CSF1: variants seen among roughly 807,000 people sequenced by gnomAD.
The protein encoded by CSF1 is colony stimulating factor 1.
A neutral mutation model predicts 48.9 loss-of-function variants in CSF1; 9 were observed. The observed-to-expected ratio is 0.18, with a 90% CI of 0.11 to 0.32. CSF1 has a LOEUF of 0.32. Among genes scored for constraint, CSF1 ranks in the 10% least tolerant of loss-of-function variants. CSF1 has a pLI of 1.00. For missense variants in CSF1, 672 were observed against 697.9 expected, an observed-to-expected ratio of 0.96 and a Z score of 0.42; for synonymous variants, 305 against 284.1, an observed-to-expected ratio of 1.07 and a Z score of -0.74.
intron 8 of CSF1, among the ~76,000 whole-genome samples, chr1:109,925,552 C>T (rs1458876310): frequency 6.6e-6 from 1 of 152,178 alleles, no homozygotes; most frequent in Non-Finnish European, 1.5e-5. Context: ...TTCAGTAGCT[C>T]TGTGTGGCAG....
chr1:109,923,965 T>C lies in CSF1; in HGVS notation c.1344T>C (p.Asp448=), dbSNP rs778192639. The C allele has an allele frequency of 6.2e-7, 1 of 1,614,028 alleles. No homozygotes were observed. Among genetic ancestry groups the C allele is most frequent in the South Asian group, 1.1e-5 (1 of 91,074 alleles). Residue 448 remains aspartate, a synonymous_variant, in exon 6 of 9, where the codon GAT becomes GAC. Transcript: ENST00000329608. Reference sequence around the variant, plus strand: ...TGGAGGGCAGGAGGAGCACCAGGGATCGGAGGAGCCCCGCAGAGCCAGAAG... The same window carrying C: ...TGGAGGGCAGGAGGAGCACCAGGGACCGGAGGAGCCCCGCAGAGCCAGAAG... ...GELEGRRSTR[D]RRSPAEPEGG...
chr1:109,911,200 C>A, intron 1 of CSF1, 138 bp downstream of exon 1: 2 of 472,478 alleles, frequency 4.2e-6, no homozygotes, highest in Non-Finnish European at 5.6e-6. Flanking sequence ...CGCGGACGAA[C>A]CGCCTTTGCG....
chr1:109,924,187 G>A lies in CSF1; in HGVS notation c.1566G>A (p.Arg522=), dbSNP rs1647727242. ...GCCTCTTGTTCTACAGGTGGAGGCG[G>A]CGGGTGAGTAGATCCCCATGAGGAA... The part of the protein sequence containing the change: ...VGGLLFYRWR[R]RSHQEPQRAD... The change falls in exon 6 of 9, where the codon CGG becomes CGA. Residue 522 remains arginine (R), a synonymous_variant. Coordinates refer to ENST00000329608, the MANE Select transcript of CSF1 (RefSeq NM_000757.6). The A allele has an allele frequency of 6.2e-7, 1 of 1,604,834 alleles. No individual in the cohort carries two copies. The highest frequency in any genetic ancestry group is 1.1e-5 in the South Asian group (1 of 89,796).
chr1:109,925,634 C>T (rs1647814152), intron 8 of CSF1, among the ~76,000 whole-genome samples: 1 of 152,200 alleles, frequency 6.6e-6, no homozygotes, highest in African/African-American at 2.4e-5. Context: ...AGATCGCCAC[C>T]CCCGCACCAG....
At chr1:109,912,224 T>G (rs1654719629) in intron 1 of CSF1, among the ~76,000 whole-genome samples, 1 of 151,902 alleles carries the variant, frequency 6.6e-6, no homozygotes, top group South Asian at 2.1e-4. Context: ...GGGGCTGTGT[T>G]TAGACAGGGG....
In CSF1 at chr1:109,923,304, G is replaced by A. The variant is rs771856655; in HGVS notation, c.683G>A (p.Gly228Glu). 2.5e-6 allele frequency: 4 copies of A among 1,612,812 alleles called. No individual in the cohort carries two copies. Among genetic ancestry groups the A allele is most frequent in the South Asian group, 2.2e-5 (2 of 90,854 alleles). Reference protein sequence around the residue: ...VAGLTWEDSEGTEGSSLLPGE... With the variant: ...VAGLTWEDSEETEGSSLLPGE... The stretch of plus-strand genomic sequence containing the variant: ...GGCTTGACCTGGGAGGACTCTGAGG[G>A]AACTGAGGGCAGCTCCCTCTTGCCT... The change falls in exon 6 of 9, where the codon GGA becomes GAA. Residue 228 changes from glycine (G) to glutamate (E), a missense_variant. Coordinates refer to ENST00000329608, the MANE Select transcript of CSF1 (RefSeq NM_000757.6).
intron 8 of CSF1, among the ~76,000 whole-genome samples, chr1:109,927,339 T>G (rs1647885463): frequency 6.6e-6 from 1 of 152,198 alleles, no homozygotes; most frequent in African/African-American, 2.4e-5. Context: ...GAACCAGCAG[T>G]AACAACATAT....
At chr1:109,914,108 A>C in intron 1 of CSF1, 151 bp from the exon 2 acceptor site, 2 of 792,212 alleles carry the variant, frequency 2.5e-6, no homozygotes, top group Non-Finnish European at 3.6e-6. Flanking sequence ...AATCCTGGGA[A>C]AGCTGGATTT....
Position 109,930,985 on chromosome 1 carries a change from C to G in CSF1, c.*2147C>G, listed in dbSNP as rs906504450. The G allele has an allele frequency of 3.9e-5, 6 of 152,110 alleles. No homozygotes were observed. Among genetic ancestry groups the G allele is most frequent in the African/African-American group, 1.4e-4 (6 of 41,430 alleles). The allele number at this position is 152,110 out of a possible 1,614,324, so 9.4% of individuals were successfully genotyped here. ...TATATTTAATAATAAAAGAAGTGCACAAGCTGCCATGTGAGTCGTGGGAAA... is the reference window on the plus strand; with the variant it reads ...TATATTTAATAATAAAAGAAGTGCAGAAGCTGCCATGTGAGTCGTGGGAAA... On this transcript the variant is annotated 3_prime_UTR_variant, in exon 9 of 9. Coordinates refer to ENST00000329608, the MANE Select transcript of CSF1 (RefSeq NM_000757.6).
rs1021235280 is a variant in CSF1, at chr1:109,924,892, T to C, written c.1622+64T>C. 3 of 1,492,996 alleles carry C rather than the reference T, an allele frequency of 2.0e-6. No individual in the cohort carries two copies. The African/African-American group carries it at 4.2e-5, about 21-fold the overall frequency. 92.5% of individuals were successfully genotyped at this position (1,492,996 alleles called of 1,614,324 possible). A position where few individuals can be genotyped will look rare whatever the true frequency, so the allele number is the denominator to read the frequency against. On this transcript the variant is annotated intron_variant, in intron 7 of 8. Transcript: ENST00000329608. ...CCTGGCTTGGGATCTGTTTCCCCTC[T>C]TCGTGGTGGTGGGGCTCTCCTGCTT...
chr1:109,917,618 G>A (rs1176544623), intron 4 of CSF1, among the ~76,000 whole-genome samples, 155 bp downstream of exon 4: 1 of 152,048 alleles, frequency 6.6e-6, no homozygotes, highest in Non-Finnish European at 1.5e-5. Flanking sequence ...CCTTTACCAG[G>A]CAGGAGGCAG....
Position 109,923,324 on chromosome 1 carries a change from T to C in CSF1, c.703T>C (p.Leu235=). ...TGAGGGAACTGAGGGCAGCTCCCTC[T>C]TGCCTGGTGAGCAGCCCCTGCACAC... ...DSEGTEGSSL[L]PGEQPLHTVD... is the part of the protein sequence containing the mutation. Residue 235 remains leucine (L), a synonymous_variant, in exon 6 of 9, where the codon TTG becomes CTG. Coordinates refer to ENST00000329608, the MANE Select transcript of CSF1 (RefSeq NM_000757.6). 6.2e-7 allele frequency: 1 copy of C among 1,612,660 alleles called. No homozygotes were observed. The highest frequency in any genetic ancestry group is 8.5e-7 in the Non-Finnish European group (1 of 1,179,280).
intron 5 of CSF1, 135 bp from the exon 6 acceptor site, chr1:109,923,031 C>T: frequency 2.5e-6 from 2 of 809,574 alleles, no homozygotes; most frequent in Non-Finnish European, 3.8e-6. Context: ...TTCTCAGCCC[C>T]AGGGCTGAGC....
Position 109,923,988 on chromosome 1 carries a change from A to G in CSF1, c.1367A>G (p.Glu456Gly), listed in dbSNP as rs1475054581. The G allele has an allele frequency of 2.5e-6, 4 of 1,614,194 alleles. No individual in the cohort carries two copies. Among genetic ancestry groups the G allele is most frequent in the Non-Finnish European group, 3.4e-6 (4 of 1,180,032 alleles). The change falls in exon 6 of 9, where the codon GAA (glutamate) becomes GGA (glycine). Residue 456 changes from glutamate (E) to glycine (G), a missense_variant. Glu to Gly is a moderately conservative substitution (Grantham distance 98, BLOSUM62 -2). Around this residue, in one of 3 missense-constraint regions of CSF1, gnomAD observed 591 missense variants for 593.6 expected, o/e 1.00. Transcript: ENST00000329608. ...TRDRRSPAEP[E>G]GGPASEGAAR... ...GATCGGAGGAGCCCCGCAGAGCCAGAAGGAGGACCAGCAAGTGAAGGGGCA... is the reference window on the plus strand; with the variant it reads ...GATCGGAGGAGCCCCGCAGAGCCAGGAGGAGGACCAGCAAGTGAAGGGGCA...
chr1:109,921,293 C>T (rs1458474204), intron 4 of CSF1, among the ~76,000 whole-genome samples: 1 of 152,218 alleles, frequency 6.6e-6, no homozygotes, highest in Non-Finnish European at 1.5e-5. Context: ...GTGCTGCAGC[C>T]ACACCAGCCT....
Position 109,928,900 on chromosome 1 carries a change from C to G in CSF1, c.*62C>G, listed in dbSNP as rs1647953707. ...CGTGGGAGGAGACATTATGGGGCGTCCACCACCACCCCTCCCTGGCCATCC... is the reference window on the plus strand; with the variant it reads ...CGTGGGAGGAGACATTATGGGGCGTGCACCACCACCCCTCCCTGGCCATCC... On this transcript the variant is annotated 3_prime_UTR_variant, in exon 9 of 9. Transcript: ENST00000329608. 1 of 152,826 alleles carries G rather than the reference C, an allele frequency of 6.5e-6. No individual in the cohort carries two copies. The highest frequency in any genetic ancestry group is 1.5e-5 in the Non-Finnish European group (1 of 68,170). 9.5% of individuals were successfully genotyped at this position (152,826 alleles called of 1,614,324 possible). A position where few individuals can be genotyped will look rare whatever the true frequency, so the allele number is the denominator to read the frequency against.
At chr1:109,912,330 C>T (rs534919400) in intron 1 of CSF1, among the ~76,000 whole-genome samples, 1 of 152,070 alleles carries the variant, frequency 6.6e-6, no homozygotes, top group Non-Finnish European at 1.5e-5. Context: ...GGCTGGACAG[C>T]TGGACTGAGG....
chr1:109,911,094 C>T, intron 1 of CSF1, 32 bp downstream of exon 1: 4 of 1,022,806 alleles, frequency 3.9e-6, no homozygotes, highest in Non-Finnish European at 4.7e-6. Context: ...GGGCCCGGGA[C>T]GGGCTGGGGC....
In CSF1 at chr1:109,924,823, G is replaced by A. The variant is rs368863927; in HGVS notation, c.1617G>A (p.Glu539=). ...QRADSPLEQP[E]GSPLTQDDRQ... ...CGGATTCTCCCTTGGAGCAACCAGA[G>A]GGCAGGTGAGAGCTTGAGGTGGGGC... Residue 539 remains glutamate, a synonymous_variant, in exon 7 of 9, where the codon GAG becomes GAA. Coordinates refer to ENST00000329608, the MANE Select transcript of CSF1 (RefSeq NM_000757.6). The A allele has an allele frequency of 4.4e-6, 7 of 1,605,732 alleles. No individual in the cohort carries two copies. Among genetic ancestry groups the A allele is most frequent in the South Asian group, 1.1e-5 (1 of 89,506 alleles).
Sources: gnomAD v4.1 joint callset for allele counts (sites outside exome capture counted in the v4.1 genomes callset) on GRCh38, gnomAD v4.1.1 for gene constraint, gnomAD v4.1.1 regional missense constraint, MANE v1.5 for transcripts, NCBI Gene and HGNC (gene_info 2026-07-23, HGNC 2026-07-21) for gene names.